Variants in NBAS observed in about 807,000 individuals in gnomAD.
The protein encoded by NBAS is NBAS subunit of NRZ tethering complex, also known as NAG/BC035112 fusion.
A neutral mutation model predicts 302.5 loss-of-function variants in NBAS; 219 were observed. That is an observed-to-expected ratio of 0.72 (90% CI 0.65 to 0.81). The LOEUF (loss-of-function observed/expected upper bound fraction) is 0.81, where lower values mean the gene tolerates loss of function less well. NBAS is among the 30% of genes least tolerant of loss of function. The probability of loss-of-function intolerance (pLI) is 0.00; values close to 1 mark genes in which losing one functional copy is unlikely to be tolerated. For synonymous variants in NBAS, 1,118 were observed against 1,021.6 expected, an observed-to-expected ratio of 1.09 and a Z score of -1.80; for missense variants, 2,932 against 2,841.6, an observed-to-expected ratio of 1.03 and a Z score of -0.72.
chr2:14,815,367 A>G, the NBAS span, among the ~76,000 whole-genome samples: 1 of 152,212 alleles, frequency 6.6e-6, no homozygotes, highest in Non-Finnish European at 1.5e-5. Context: ...ACAGTCTCAG[A>G]GTGAGAGCCA....
chr2:15,483,811 TGGTAAAGA>T (rs948300569), intron 12 of NBAS, among the ~76,000 whole-genome samples: 2 of 152,194 alleles, frequency 1.3e-5, no homozygotes, highest in Admixed American at 6.5e-5. Context: ...TTCACAATTT[TGGTAAAGA>T]GGTTTAAGGC....
chr2:15,426,745 T>C (rs1207175993), intron 22 of NBAS, among the ~76,000 whole-genome samples: 1 of 152,220 alleles, frequency 6.6e-6, no homozygotes, highest in Non-Finnish European at 1.5e-5. Context: ...CCGTTTTCCG[T>C]ATGTTTTGCC....
intron 47 of NBAS, among the ~76,000 whole-genome samples, chr2:15,228,319 C>T (rs1037014578): frequency 2.0e-5 from 3 of 151,956 alleles, no homozygotes; most frequent in Non-Finnish European, 2.9e-5. Flanking sequence ...TTCATTTTCC[C>T]CGAGTTAAGA....
the NBAS span, among the ~76,000 whole-genome samples, chr2:14,782,555 C>T: frequency 6.6e-6 from 1 of 152,016 alleles, no homozygotes; most frequent in Admixed American, 6.6e-5. Context: ...TGGTGATTCC[C>T]CAAAGAGCTA....
chr2:15,186,630 G>GTAATTACTGGTAAAGGCCA, intron 50 of NBAS, 112 bp downstream of exon 50: 1 of 1,487,316 alleles, frequency 6.7e-7, no homozygotes, highest in Non-Finnish European at 9.3e-7. Context: ...GCCTTTACCA[G>GTAATTACTGGTAAAGGCCA]TAATTACTTA....
chr2:15,126,561 G>A, the NBAS span, among the ~76,000 whole-genome samples: 178 of 152,252 alleles, frequency 1.2e-3, 2 homozygotes, highest in African/African-American at 3.7e-3. Flanking sequence ...TACCTCACCC[G>A]AGGGGCAAGG....
chr2:14,807,639 T>C, the NBAS span, among the ~76,000 whole-genome samples: 2 of 152,202 alleles, frequency 1.3e-5, no homozygotes, highest in Non-Finnish European at 2.9e-5. Flanking sequence ...CACTTATCTA[T>C]TTTAAAACAT....
the NBAS span, among the ~76,000 whole-genome samples, chr2:14,958,053 A>G: frequency 6.6e-6 from 1 of 152,188 alleles, no homozygotes; most frequent in Non-Finnish European, 1.5e-5. Context: ...ATGTGTGCAT[A>G]TGGTGAGTTT....
chr2:15,332,816 C>G (rs868797666), intron 35 of NBAS, among the ~76,000 whole-genome samples: 43 of 152,316 alleles, frequency 2.8e-4, no homozygotes, highest in Middle Eastern at 3.4e-3. Context: ...GTTCACTCAG[C>G]TCCACTCAGA....
At chr2:14,881,243 G>A in the NBAS span, among the ~76,000 whole-genome samples, 1 of 152,140 alleles carries the variant, frequency 6.6e-6, no homozygotes, top group Non-Finnish European at 1.5e-5. Flanking sequence ...TATCCTAAGT[G>A]AATTAATGCA....
At chr2:15,033,984 G>GGAAGAAGAAGAAGAAGAAGAA in the NBAS span, among the ~76,000 whole-genome samples, 1,627 of 56,280 alleles carry the variant, frequency 0.029, 89 homozygotes, top group Middle Eastern at 0.059. Flanking sequence ...AAGAGGAAGA[G>GGAAGAAGAAGAAGAAGAAGAA]GAAGAAGAAG....
At chr2:15,539,896 A>G (rs1039179046) in intron 6 of NBAS, among the ~76,000 whole-genome samples, 3 of 152,126 alleles carry the variant, frequency 2.0e-5, no homozygotes, top group Non-Finnish European at 4.4e-5. Flanking sequence ...ACATACACAC[A>G]TAGAAAGAGG....
chr2:15,392,556 A>C lies in NBAS; in HGVS notation c.3257+1671T>G, dbSNP rs115004477. Among the ~76,000 whole-genome samples the C allele has an allele frequency of 6.7e-3, 1,024 of 152,166 alleles. 12 individuals carry two copies. The highest frequency in any genetic ancestry group is 0.022 in the African/African-American group (924 of 41,578). ...CCAAACAAGAATAAAATACTTAAGA[A>C]TAATTTAACAAAATAAATGCAAGAA... is the stretch of plus-strand genomic sequence containing the variant. On this transcript the variant is annotated intron_variant, in intron 28 of 51. Transcript: ENST00000281513.
chr2:15,372,601 C>CAA (rs1674540910), intron 31 of NBAS, among the ~76,000 whole-genome samples: 1 of 152,082 alleles, frequency 6.6e-6, no homozygotes, highest in Non-Finnish European at 1.5e-5. Flanking sequence ...AAAAAGTATA[C>CAA]AAAGGCAATA....
chr2:14,942,633 T>C, the NBAS span, among the ~76,000 whole-genome samples: 1 of 152,182 alleles, frequency 6.6e-6, no homozygotes, highest in Non-Finnish European at 1.5e-5. Context: ...AATGAGAGAA[T>C]GGACTAATAC....
At chr2:15,126,416 G>A in the NBAS span, among the ~76,000 whole-genome samples, 1 of 152,274 alleles carries the variant, frequency 6.6e-6, no homozygotes, top group Non-Finnish European at 1.5e-5. Flanking sequence ...CCTGGTAGAG[G>A]AATGGGGAAG....
the NBAS span, among the ~76,000 whole-genome samples, chr2:14,918,815 G>A: frequency 5.3e-5 from 8 of 152,102 alleles, no homozygotes; most frequent in East Asian, 9.6e-4. Flanking sequence ...AAGTTTTCTC[G>A]GTGATCCAGT....
chr2:14,784,144 CT>C, the NBAS span, among the ~76,000 whole-genome samples: 6 of 152,126 alleles, frequency 3.9e-5, no homozygotes, highest in African/African-American at 1.4e-4. Flanking sequence ...TGTTCATGTC[CT>C]TTGCCCACTT....
At chr2:15,383,954 G>C (rs566113505) in intron 28 of NBAS, among the ~76,000 whole-genome samples, 17 of 152,296 alleles carry the variant, frequency 1.1e-4, no homozygotes, top group African/African-American at 4.1e-4. Flanking sequence ...GAGCCTCAGA[G>C]AGTAGTCGCT....
Sources: gnomAD v4.1 joint callset for allele counts (sites outside exome capture counted in the v4.1 genomes callset) on GRCh38, gnomAD v4.1.1 for gene constraint, MANE v1.5 for transcripts, NCBI Gene and HGNC (gene_info 2026-07-23, HGNC 2026-07-21) for gene names.